The following TAFA2 variants were observed in gnomAD, a reference collection of about 807,000 sequenced individuals.
TAFA2 encodes the protein TAFA chemokine like family member 2, also known as chemokine-like protein TAFA-2.
In TAFA2, 7 loss-of-function variants were observed where a neutral mutation model predicts 18.8. The ratio of observed to expected loss-of-function variants is 0.37; its 90% CI spans 0.21 to 0.70. The LOEUF (loss-of-function observed/expected upper bound fraction) is 0.70, where lower values mean the gene tolerates loss of function less well. Among genes scored for constraint, TAFA2 ranks in the 30% least tolerant of loss-of-function variants. The pLI is 0.53. For synonymous variants in TAFA2, 60 were observed against 54.2 expected (o/e 1.11, Z -0.47); for missense variants, 122 against 158.1 (o/e 0.77, Z 1.23).
chr12:61,759,478 G>A (rs927164436), intron 2 of TAFA2, among the ~76,000 whole-genome samples: 7 of 152,106 alleles, frequency 4.6e-5, no homozygotes, highest in East Asian at 3.9e-4. Flanking sequence ...TGTTGATAGC[G>A]GAGGCCACAT....
chr12:62,151,911 T>C (rs1009999196), intron 1 of TAFA2, among the ~76,000 whole-genome samples: 1 of 152,238 alleles, frequency 6.6e-6, no homozygotes, highest in African/African-American at 2.4e-5. Flanking sequence ...CCTAGTGAAC[T>C]AGTGAAACAA....
chr12:62,196,735 A>T (rs2062650610), upstream of TAFA2, among the ~76,000 whole-genome samples: 1 of 152,238 alleles, frequency 6.6e-6, no homozygotes, highest in African/African-American at 2.4e-5. Flanking sequence ...GAATAATACA[A>T]AAAGTCTGAA....
intron 1 of TAFA2, among the ~76,000 whole-genome samples, chr12:61,911,086 G>A (rs765051437): frequency 6.6e-6 from 1 of 152,144 alleles, no homozygotes; most frequent in Non-Finnish European, 1.5e-5. Context: ...ATTTTCAGAA[G>A]AAAATAGTCA....
At chr12:61,803,294 A>G (rs1871470529) in intron 2 of TAFA2, among the ~76,000 whole-genome samples, 1 of 151,956 alleles carries the variant, frequency 6.6e-6, no homozygotes, top group South Asian at 2.1e-4. Context: ...CTGCCTTGGA[A>G]TTCTAAGTGT....
intron 1 of TAFA2, among the ~76,000 whole-genome samples, chr12:61,876,103 T>A (rs1213347210): frequency 6.6e-6 from 1 of 152,202 alleles, no homozygotes; most frequent in African/African-American, 2.4e-5. Flanking sequence ...TCTTTCTTTT[T>A]TAATAAGACT....
intron 1 of TAFA2, among the ~76,000 whole-genome samples, chr12:61,910,622 C>CACAACCATG (rs1020928523): frequency 3.3e-5 from 5 of 152,182 alleles, no homozygotes; most frequent in Admixed American, 1.3e-4. Flanking sequence ...GTAAGTATAA[C>CACAACCATG]ACAACCATGA....
At chr12:61,889,288 C>T (rs547302457) in intron 1 of TAFA2, among the ~76,000 whole-genome samples, 4 of 152,288 alleles carry the variant, frequency 2.6e-5, no homozygotes, top group African/African-American at 9.6e-5. Flanking sequence ...TTGAGTATTG[C>T]AGTCAAGATT....
chr12:61,894,139 C>A (rs573262568), intron 1 of TAFA2, among the ~76,000 whole-genome samples: 1 of 152,286 alleles, frequency 6.6e-6, no homozygotes, highest in Non-Finnish European at 1.5e-5. Flanking sequence ...TAGTATTTAT[C>A]TTAGTTTCCC....
chr12:61,739,251 C>T (rs566221970), intron 4 of TAFA2, among the ~76,000 whole-genome samples: 2 of 152,018 alleles, frequency 1.3e-5, no homozygotes, highest in East Asian at 3.9e-4. Context: ...TTGAAGGCAC[C>T]AGCAGTGCTC....
At chr12:62,029,811 ATCTCTCTCTCTCTCTC>A (rs71450570) in intron 1 of TAFA2, among the ~76,000 whole-genome samples, 5 of 145,914 alleles carry the variant, frequency 3.4e-5, no homozygotes, top group African/African-American at 1.3e-4. Context: ...ATGTCTTCCT[ATCTCTCTCTCTCTCTC>A]TCTCTCTCTC....
At chr12:62,120,448 T>G (rs996136579) in intron 1 of TAFA2, among the ~76,000 whole-genome samples, 4 of 152,208 alleles carry the variant, frequency 2.6e-5, no homozygotes, top group African/African-American at 4.8e-5. Context: ...CAACATCCAT[T>G]TCCAGACATG....
At chr12:62,030,998 G>C (rs960947542) in intron 1 of TAFA2, among the ~76,000 whole-genome samples, 2 of 152,062 alleles carry the variant, frequency 1.3e-5, no homozygotes, top group African/African-American at 4.8e-5. Context: ...TATATGGTAG[G>C]TACTATTATT....
chr12:62,063,068 C>A (rs965607949), intron 1 of TAFA2, among the ~76,000 whole-genome samples: 1 of 151,762 alleles, frequency 6.6e-6, no homozygotes, highest in Non-Finnish European at 1.5e-5. Context: ...ATCTCAATAC[C>A]CCTACTCTTG....
chr12:62,207,558 C>A (rs1287613237), intron 1 of TAFA2, among the ~76,000 whole-genome samples: 5 of 152,084 alleles, frequency 3.3e-5, no homozygotes, highest in African/African-American at 1.2e-4. Context: ...CAGAGGCCCA[C>A]CCATTTGTTT....
At chr12:61,966,147 T>C (rs1416550922) in intron 1 of TAFA2, among the ~76,000 whole-genome samples, 3 of 151,884 alleles carry the variant, frequency 2.0e-5, no homozygotes, top group South Asian at 2.1e-4. Context: ...TTCCAACTTC[T>C]CCTCATCTTC....
intron 1 of TAFA2, among the ~76,000 whole-genome samples, chr12:62,026,091 T>C (rs1290804086): frequency 6.6e-6 from 1 of 152,184 alleles, no homozygotes; most frequent in Non-Finnish European, 1.5e-5. Context: ...AAAATATAAT[T>C]GGAAGAGCTT....
intron 1 of TAFA2, among the ~76,000 whole-genome samples, chr12:62,016,738 G>A (rs893900235): frequency 2.0e-5 from 3 of 152,210 alleles, no homozygotes; most frequent in South Asian, 2.1e-4. Flanking sequence ...TAGTGTCACC[G>A]CCAAGCCAGT....
At chr12:61,867,499 T>A in intron 1 of TAFA2, 73 bp from the exon 2 acceptor site, 1 of 890,696 alleles carries the variant, frequency 1.1e-6, no homozygotes, top group Non-Finnish European at 1.8e-6. Flanking sequence ...GTGCTACATG[T>A]AAAGCCTTCC....
intron 1 of TAFA2, among the ~76,000 whole-genome samples, chr12:62,118,172 G>T (rs911382256): frequency 2.0e-5 from 3 of 151,980 alleles, no homozygotes; most frequent in Admixed American, 1.3e-4. Flanking sequence ...TGTACACAAA[G>T]AATAATTACA....
Sources: gnomAD v4.1 joint callset for allele counts (sites outside exome capture counted in the v4.1 genomes callset) on GRCh38, gnomAD v4.1.1 for gene constraint, MANE v1.5 for transcripts, NCBI Gene and HGNC (gene_info 2026-07-23, HGNC 2026-07-21) for gene names.